The following ANKRD63 variants were observed in gnomAD, a reference collection of about 807,000 sequenced individuals.
ANKRD63 encodes the protein ankyrin repeat domain-containing protein 63.
A neutral mutation model predicts 21.2 loss-of-function variants in ANKRD63; 18 were observed. That is an observed-to-expected ratio of 0.85 (90% CI 0.59 to 1.26). ANKRD63 has a LOEUF of 1.26. ANKRD63 is among the 50% of genes most tolerant of loss of function. ANKRD63 has a pLI of 0.00. For synonymous variants in ANKRD63, 322 were observed against 273.3 expected, an observed-to-expected ratio of 1.18 and a Z score of -1.76; for missense variants, 523 against 570.9, an observed-to-expected ratio of 0.92 and a Z score of 0.85.
rs1340748173 is a variant in ANKRD63 at position 40,280,520 on chromosome 15, G to A, written c.*924C>T. On this transcript the variant is annotated 3_prime_UTR_variant, in exon 1 of 1. Coordinates refer to ENST00000434396, the MANE Select transcript of ANKRD63 (RefSeq NM_001190479.3). Reference sequence around the variant, plus strand: ...CCACCCCGCGGGAGCACCCACGTGCGGGACGGGGGAGCTGGGAGGCGTGGA... The same window carrying A: ...CCACCCCGCGGGAGCACCCACGTGCAGGACGGGGGAGCTGGGAGGCGTGGA... Among the ~76,000 whole-genome samples, 1 of 152,276 alleles carries A rather than the reference G, an allele frequency of 6.6e-6. No individual in the cohort carries two copies. The highest frequency in any genetic ancestry group is 2.4e-5 in the African/African-American group (1 of 41,470).
In ANKRD63 at chr15:40,282,182, G is replaced by A. The variant is rs2039552314; in HGVS notation, c.405C>T (p.Phe135=). The A allele has an allele frequency of 6.7e-7, 1 of 1,496,626 alleles. No individual in the cohort carries two copies. Among genetic ancestry groups the A allele is most frequent in the Non-Finnish European group, 8.8e-7 (1 of 1,131,736 alleles). The allele number at this position is 1,496,626 out of a possible 1,614,324, so 92.7% of individuals were successfully genotyped here. Reference sequence around the variant, plus strand: ...CTAGGCGGCGGAAGGACCGCACCAGGAACTCGAGCACCGCCCCGTGGCCGC... The same window carrying A: ...CTAGGCGGCGGAAGGACCGCACCAGAAACTCGAGCACCGCCCCGTGGCCGC... ...AACGHGAVLE[F]LVRSFRRLGL... Residue 135 remains phenylalanine (F), a synonymous_variant, in exon 1 of 1, where the codon TTC becomes TTT. Coordinates refer to ENST00000434396, the MANE Select transcript of ANKRD63 (RefSeq NM_001190479.3).
chr15:40,282,522 G>C lies in ANKRD63; in HGVS notation c.65C>G (p.Ala22Gly). 2 of 1,502,578 alleles carry C rather than the reference G, an allele frequency of 1.3e-6. No homozygotes were observed. The highest frequency in any genetic ancestry group is 1.8e-6 in the Non-Finnish European group (2 of 1,134,348). 93.1% of individuals were successfully genotyped at this position (1,502,578 alleles called of 1,614,324 possible). Reference protein sequence around the residue: ...GTRTFLEAMQAGKVHLARFVL... With the variant: ...GTRTFLEAMQGGKVHLARFVL... The stretch of plus-strand genomic sequence containing the variant: ...GAAGCGGGCCAAGTGCACTTTGCCC[G>C]CCTGCATGGCCTCCAGGAAGGTGCG... The change falls in exon 1 of 1, where the codon GCG becomes GGG. Residue 22 changes from alanine to glycine, a missense_variant. Physicochemically the swap from Ala to Gly is moderately conservative, Grantham distance 60 (BLOSUM62 0). Around this residue, in one of 2 missense-constraint regions of ANKRD63, gnomAD observed 215 missense variants for 280.4 expected, o/e 0.77. Transcript: ENST00000434396.
At position 40,281,743 on chromosome 15, in the gene ANKRD63, T is replaced by G; in HGVS notation, c.844A>C (p.Asn282His). Residue 282 changes from asparagine to histidine, a missense_variant, in exon 1 of 1, where the codon AAC (asparagine) becomes CAC (histidine). By Grantham distance (68) the Asn-to-His change is moderately conservative. This residue lies in a region of ANKRD63 where 308 missense variants were observed against 290.4 expected (regional missense o/e 1.06). Coordinates refer to ENST00000434396, the MANE Select transcript of ANKRD63 (RefSeq NM_001190479.3). ...LRAGALMALP[N>H]SPQSSGTGRW... ...CCAGTCCCCGAAGACTGGGGCGAGTTTGGTAGGGCCATCAGGGCCCCAGCC... is the reference window on the plus strand; with the variant it reads ...CCAGTCCCCGAAGACTGGGGCGAGTGTGGTAGGGCCATCAGGGCCCCAGCC... 6.5e-7 allele frequency: 1 copy of G among 1,535,136 alleles called. No individual in the cohort carries two copies. Among genetic ancestry groups the G allele is most frequent in the Non-Finnish European group, 8.7e-7 (1 of 1,146,564 alleles).
chr15:40,279,968 C>T lies in ANKRD63; in HGVS notation c.*1476G>A, dbSNP rs2039523044. ...GTCCCGCCGGACCCCCGCCCCCAAC[C>T]CCGCCGCCTCGCTAGGCCAGTATAG... On this transcript the variant is annotated 3_prime_UTR_variant, in exon 1 of 1. Transcript: ENST00000434396. 6.6e-6 allele frequency among the ~76,000 whole-genome samples: 1 copy of T among 152,250 alleles called. No homozygotes were observed. The highest frequency in any genetic ancestry group is 2.1e-4 in the South Asian group (1 of 4,834).
In ANKRD63 at chr15:40,280,113, G is replaced by A. The variant is rs1006976371; in HGVS notation, c.*1331C>T. Reference sequence around the variant, plus strand: ...CTACCCAGTAATAAAACTGGGCCGGGCCTGCGTCCCACGCGGTAGGACCAA... The same window carrying A: ...CTACCCAGTAATAAAACTGGGCCGGACCTGCGTCCCACGCGGTAGGACCAA... On this transcript the variant is annotated 3_prime_UTR_variant, in exon 1 of 1. Coordinates refer to ENST00000434396, the MANE Select transcript of ANKRD63 (RefSeq NM_001190479.3). 2.6e-5 allele frequency among the ~76,000 whole-genome samples: 4 copies of A among 152,350 alleles called. No homozygotes were observed. The highest frequency in any genetic ancestry group is 3.4e-3 in the Middle Eastern group (1 of 294).
chr15:40,282,104 G>A lies in ANKRD63; in HGVS notation c.483C>T (p.Ala161=), dbSNP rs1266711423. Residue 161 remains alanine (A), a synonymous_variant, in exon 1 of 1, where the codon GCC becomes GCT. Transcript: ENST00000434396. The part of the protein sequence containing the change: ...NRAGLTALQL[A]AARGHGTCVQ... ...CACAGGTCCCGTGGCCGCGGGCGGCGGCCAGTTGCAGCGCGGTGAGCCCCG... is the reference window on the plus strand; with the variant it reads ...CACAGGTCCCGTGGCCGCGGGCGGCAGCCAGTTGCAGCGCGGTGAGCCCCG... The A allele has an allele frequency of 7.2e-6, 10 of 1,394,790 alleles. No homozygotes were observed. Among genetic ancestry groups the A allele is most frequent in the Admixed American group, 7.3e-5 (2 of 27,262 alleles). The allele number at this position is 1,394,790 out of a possible 1,614,324, so 86.4% of individuals were successfully genotyped here.
At position 40,282,627 on chromosome 15, in the gene ANKRD63, CG is replaced by C; in HGVS notation, c.-42del. 3.0e-6 allele frequency: 4 copies of C among 1,346,598 alleles called. No individual in the cohort carries two copies. Among genetic ancestry groups the C allele is most frequent in the Non-Finnish European group, 2.9e-6 (3 of 1,050,418 alleles). 83.4% of individuals were successfully genotyped at this position (1,346,598 alleles called of 1,614,324 possible). ...GCCCGGGCAGCCTGGCAGTTCCGCA[CG>C]GGGGCGCCCCTGTTCTCGCGCCCCG... On this transcript the variant is annotated 5_prime_UTR_variant, in exon 1 of 1. Transcript: ENST00000434396.
In ANKRD63 at chr15:40,282,155, GC is replaced by G; in HGVS notation, c.431del (p.Gly144AlafsTer114). On this transcript the variant is annotated frameshift_variant, in exon 1 of 1. Coordinates refer to ENST00000434396, the MANE Select transcript of ANKRD63 (RefSeq NM_001190479.3). LOFTEE classifies it high-confidence loss of function. ...EFLVRSFRRLGLRLDRTNRAG... is the reference protein window; with the variant it reads ...EFLVRSFRRLXLRLDRTNRAG... ...CACGGTTGGTGCGGTCGAGGCGCAG[GC>G]CTAGGCGGCGGAAGGACCGCACCAG... The G allele has an allele frequency of 6.7e-7, 1 of 1,486,340 alleles. No homozygotes were observed. Among genetic ancestry groups the G allele is most frequent in the Non-Finnish European group, 8.9e-7 (1 of 1,127,342 alleles). 92.1% of individuals were successfully genotyped at this position (1,486,340 alleles called of 1,614,324 possible). A position where few individuals can be genotyped will look rare whatever the true frequency, so the allele number is the denominator to read the frequency against.
At position 40,282,655 on chromosome 15, in the gene ANKRD63, G is replaced by A; in HGVS notation, c.-69C>T. Reference sequence around the variant, plus strand: ...GGGCGCCCCTGTTCTCGCGCCCCGCGGGGCTCCGGCCTCCGCCCGCGCTCT... The same window carrying A: ...GGGCGCCCCTGTTCTCGCGCCCCGCAGGGCTCCGGCCTCCGCCCGCGCTCT... On this transcript the variant is annotated 5_prime_UTR_variant, in exon 1 of 1. Coordinates refer to ENST00000434396, the MANE Select transcript of ANKRD63 (RefSeq NM_001190479.3). 8.0e-7 allele frequency: 1 copy of A among 1,244,648 alleles called. No homozygotes were observed. The highest frequency in any genetic ancestry group is 1.0e-6 in the Non-Finnish European group (1 of 964,190). The allele number at this position is 1,244,648 out of a possible 1,614,324, so 77.1% of individuals were successfully genotyped here.
Position 40,281,438 on chromosome 15 carries a change from C to A in ANKRD63, c.*6G>T, listed in dbSNP as rs2039540303. 1 of 1,384,964 alleles carries A rather than the reference C, an allele frequency of 7.2e-7. No individual in the cohort carries two copies. Among genetic ancestry groups the A allele is most frequent in the South Asian group, 1.6e-5 (1 of 61,544 alleles). 85.8% of individuals were successfully genotyped at this position (1,384,964 alleles called of 1,614,324 possible). On this transcript the variant is annotated 3_prime_UTR_variant, in exon 1 of 1. Coordinates refer to ENST00000434396, the MANE Select transcript of ANKRD63 (RefSeq NM_001190479.3). ...AGGGGAAGCAGGCCTCGGGCCTTGG[C>A]GCCGTTTACCGCTGAGCACGCAGCA...
At position 40,282,298 on chromosome 15, in the gene ANKRD63, G is replaced by C; in HGVS notation, c.289C>G (p.Leu97Val). ...TGCACCAGCAGCTGCACGGCGTCCAGGTGGCCTCGCTCGCACGCCAGGCTG... is the reference window on the plus strand; with the variant it reads ...TGCACCAGCAGCTGCACGGCGTCCACGTGGCCTCGCTCGCACGCCAGGCTG... ...ALSLACERGH[L>V]DAVQLLVQFS... The change falls in exon 1 of 1, where the codon CTG becomes GTG. Residue 97 changes from leucine to valine, a missense_variant. Around this residue, in one of 2 missense-constraint regions of ANKRD63, gnomAD observed 215 missense variants for 280.4 expected, o/e 0.77. Coordinates refer to ENST00000434396, the MANE Select transcript of ANKRD63 (RefSeq NM_001190479.3). 6.6e-7 allele frequency: 1 copy of C among 1,518,650 alleles called. No individual in the cohort carries two copies. Among genetic ancestry groups the C allele is most frequent in the Non-Finnish European group, 8.8e-7 (1 of 1,140,912 alleles). The allele number at this position is 1,518,650 out of a possible 1,614,324, so 94.1% of individuals were successfully genotyped here.
chr15:40,282,658 G>T lies in ANKRD63; in HGVS notation c.-72C>A. On this transcript the variant is annotated 5_prime_UTR_variant, in exon 1 of 1. Transcript: ENST00000434396. ...CGCCCCTGTTCTCGCGCCCCGCGGG[G>T]CTCCGGCCTCCGCCCGCGCTCTGAT... The T allele has an allele frequency of 8.1e-7, 1 of 1,228,580 alleles. No individual in the cohort carries two copies. Among genetic ancestry groups the T allele is most frequent in the South Asian group, 2.0e-5 (1 of 49,944 alleles). The allele number at this position is 1,228,580 out of a possible 1,614,324, so 76.1% of individuals were successfully genotyped here.
chr15:40,280,789 C>T lies in ANKRD63; in HGVS notation c.*655G>A, dbSNP rs778422948. ...AGAGGGAGCTGGAGTTACCCAGGAGCTGATTCAAGGGACAACTGGTGTTCA... is the reference window on the plus strand; with the variant it reads ...AGAGGGAGCTGGAGTTACCCAGGAGTTGATTCAAGGGACAACTGGTGTTCA... On this transcript the variant is annotated 3_prime_UTR_variant, in exon 1 of 1. Transcript: ENST00000434396. Among the ~76,000 whole-genome samples, 1 of 152,208 alleles carries T rather than the reference C, an allele frequency of 6.6e-6. No homozygotes were observed. Among genetic ancestry groups the T allele is most frequent in the Admixed American group, 6.5e-5 (1 of 15,278 alleles).
In ANKRD63 at chr15:40,282,569, G is replaced by C; in HGVS notation, c.18C>G (p.Asp6Glu). 6.9e-7 allele frequency: 1 copy of C among 1,447,310 alleles called. No individual in the cohort carries two copies. The highest frequency in any genetic ancestry group is 1.8e-4 in the Middle Eastern group (1 of 5,644). The allele number at this position is 1,447,310 out of a possible 1,614,324, so 89.7% of individuals were successfully genotyped here. ...TGCGCGTCCCCGCTCGGGGGCACAGGTCCTTGGGTTTGAGCATGGCCCCGG... is the reference window on the plus strand; with the variant it reads ...TGCGCGTCCCCGCTCGGGGGCACAGCTCCTTGGGTTTGAGCATGGCCCCGG... MLKPK[D>E]LCPRAGTRTF... The change falls in exon 1 of 1, where the codon GAC (aspartate) becomes GAG (glutamate). Residue 6 changes from aspartate (D) to glutamate (E), a missense_variant. By Grantham distance (45) the Asp-to-Glu change is conservative. Around this residue, in one of 2 missense-constraint regions of ANKRD63, gnomAD observed 215 missense variants for 280.4 expected, o/e 0.77. Transcript: ENST00000434396.
At position 40,282,444 on chromosome 15, in the gene ANKRD63, C is replaced by T; in HGVS notation, c.143G>A (p.Arg48His). ...SIIDCRAEQG[R>H]TPLMVAVGLP... ...CCCCACGGCCACCATGAGCGGCGTACGGCCCTGCTCCGCGCGGCAGTCGAT... is the reference window on the plus strand; with the variant it reads ...CCCCACGGCCACCATGAGCGGCGTATGGCCCTGCTCCGCGCGGCAGTCGAT... Residue 48 changes from arginine to histidine, a missense_variant, in exon 1 of 1, where the codon CGT (arginine) becomes CAT (histidine). Physicochemically the swap from Arg to His is conservative, Grantham distance 29 (BLOSUM62 0). Around this residue, in one of 2 missense-constraint regions of ANKRD63, gnomAD observed 215 missense variants for 280.4 expected, o/e 0.77. Coordinates refer to ENST00000434396, the MANE Select transcript of ANKRD63 (RefSeq NM_001190479.3). 2.6e-6 allele frequency: 4 copies of T among 1,517,642 alleles called. No individual in the cohort carries two copies. Among genetic ancestry groups the T allele is most frequent in the South Asian group, 1.2e-5 (1 of 82,000 alleles). 94.0% of individuals were successfully genotyped at this position (1,517,642 alleles called of 1,614,324 possible).
At position 40,281,572 on chromosome 15, in the gene ANKRD63, G is replaced by A. The variant is rs943533405; in HGVS notation, c.1015C>T (p.Leu339=). The A allele has an allele frequency of 1.1e-5, 17 of 1,532,830 alleles. No homozygotes were observed. In the African/African-American group the frequency reaches 2.3e-4, roughly 21 times the overall value. 95.0% of individuals were successfully genotyped at this position (1,532,830 alleles called of 1,614,324 possible). A position where few individuals can be genotyped will look rare whatever the true frequency, so the allele number is the denominator to read the frequency against. Residue 339 remains leucine, a synonymous_variant, in exon 1 of 1, where the codon CTG becomes TTG. Coordinates refer to ENST00000434396, the MANE Select transcript of ANKRD63 (RefSeq NM_001190479.3). ...RRSTAPDIPS[L]VGEAPGPESG... ...TCGGGCCCTGGCGCCTCCCCGACCA[G>A]GCTGGGGATATCTGGGGCTGTGGAG...
rs2039528667 is a variant in ANKRD63 at position 40,280,513 on chromosome 15, C to T, written c.*931G>A. Reference sequence around the variant, plus strand: ...AACCGTTCCACCCCGCGGGAGCACCCACGTGCGGGACGGGGGAGCTGGGAG... The same window carrying T: ...AACCGTTCCACCCCGCGGGAGCACCTACGTGCGGGACGGGGGAGCTGGGAG... On this transcript the variant is annotated 3_prime_UTR_variant, in exon 1 of 1. Transcript: ENST00000434396. Among the ~76,000 whole-genome samples the T allele has an allele frequency of 1.3e-5, 2 of 152,270 alleles. No homozygotes were observed. The highest frequency in any genetic ancestry group is 4.8e-5 in the African/African-American group (2 of 41,472).
Position 40,279,108 on chromosome 15 carries a change from C to T in ANKRD63, c.*2336G>A, listed in dbSNP as rs889332146. On this transcript the variant is annotated 3_prime_UTR_variant, in exon 1 of 1. Coordinates refer to ENST00000434396, the MANE Select transcript of ANKRD63 (RefSeq NM_001190479.3). Reference sequence around the variant, plus strand: ...CCACCCTACCCCAGACCCTCTCTCTCAGGCTTTTCAGGCACTTGGTATTGT... The same window carrying T: ...CCACCCTACCCCAGACCCTCTCTCTTAGGCTTTTCAGGCACTTGGTATTGT... Among the ~76,000 whole-genome samples the T allele has an allele frequency of 6.6e-6, 1 of 152,238 alleles. No individual in the cohort carries two copies. The highest frequency in any genetic ancestry group is 1.5e-5 in the Non-Finnish European group (1 of 68,036).
chr15:40,281,060 G>A lies in ANKRD63; in HGVS notation c.*384C>T, dbSNP rs936554242. Among the ~76,000 whole-genome samples the A allele has an allele frequency of 6.6e-6, 1 of 152,170 alleles. No homozygotes were observed. Among genetic ancestry groups the A allele is most frequent in the East Asian group, 1.9e-4 (1 of 5,184 alleles). On this transcript the variant is annotated 3_prime_UTR_variant, in exon 1 of 1. Coordinates refer to ENST00000434396, the MANE Select transcript of ANKRD63 (RefSeq NM_001190479.3). The stretch of plus-strand genomic sequence containing the variant: ...GGCTGGGTCCTTATTCTCCAAGGTG[G>A]ACCCTTCTATTTACCTGGCTGCCCA...
Sources: allele counts gnomAD v4.1 joint callset (sites outside exome capture counted in the v4.1 genomes callset), GRCh38; gene constraint gnomAD v4.1.1; regional missense constraint gnomAD v4.1.1; transcripts MANE v1.5; gene names NCBI Gene and HGNC (gene_info 2026-07-23, HGNC 2026-07-21).